TRIM67: variants seen among roughly 807,000 people sequenced by gnomAD.
The protein encoded by TRIM67 is tripartite motif containing 67.
Under a neutral mutation model 71.0 loss-of-function variants are expected in TRIM67, and 39 were observed. The ratio of observed to expected loss-of-function variants is 0.55; its 90% CI spans 0.43 to 0.72. The LOEUF (loss-of-function observed/expected upper bound fraction) is 0.72. TRIM67 is among the 30% of genes least tolerant of loss of function. The pLI is 0.00. For missense variants in TRIM67, 973 were observed against 1,079.2 expected (o/e 0.90, Z 1.38); for synonymous variants, 481 against 473.9 (o/e 1.01, Z -0.19).
In TRIM67 at chr1:231,189,370, T is replaced by C. The variant is rs137890095; in HGVS notation, c.1045-8001T>C. ...GAAAGAGCTTTGCAAATGTGATAAA[T>C]GTGATGAAGTTAAGCATCTTGAGAT... On this transcript the variant is annotated intron_variant, in intron 1 of 9. Transcript: ENST00000366653. Among the ~76,000 whole-genome samples the C allele has an allele frequency of 1.8e-3, 274 of 152,252 alleles. 2 individuals carry two copies. The highest frequency in any genetic ancestry group is 6.3e-3 in the African/African-American group (262 of 41,552).
chr1:231,178,476 C>T (rs138655997), intron 1 of TRIM67, among the ~76,000 whole-genome samples: 113 of 152,294 alleles, frequency 7.4e-4, no homozygotes, highest in Admixed American at 2.4e-3. Flanking sequence ...TATTATTGAA[C>T]GTCAAGGCTG....
At chr1:231,200,106 C>T (rs1472678076) in intron 3 of TRIM67, 42 bp from the exon 4 acceptor site, 1 of 1,485,748 alleles carries the variant, frequency 6.7e-7, no homozygotes, top group East Asian at 2.3e-5. Flanking sequence ...GCCTGTTCTT[C>T]CTCTCATGAG....
At position 231,186,091 on chromosome 1, in the gene TRIM67, C is replaced by T. The variant is rs866233091; in HGVS notation, c.1045-11280C>T. 6.5e-6 allele frequency: 10 copies of T among 1,533,116 alleles called. No individual in the cohort carries two copies. The Middle Eastern group carries it at 6.9e-4, about 106-fold the overall frequency. The allele number at this position is 1,533,116 out of a possible 1,614,324, so 95.0% of individuals were successfully genotyped here. A position where few individuals can be genotyped will look rare whatever the true frequency, so the allele number is the denominator to read the frequency against. On this transcript the variant is annotated intron_variant, in intron 1 of 9. Coordinates refer to ENST00000366653, the MANE Select transcript of TRIM67 (RefSeq NM_001004342.5). ...CAGAACTCACCTCTCTCCTGATAGG[C>T]GGCTGGCAGTCGCTTGCTGAATGAA...
rs1203916931 is a variant in TRIM67, at chr1:231,163,201, G to A, written c.232G>A (p.Gly78Ser). Residue 78 changes from glycine to serine, a missense_variant, in exon 1 of 10, where the codon GGC becomes AGC. Physicochemically the swap from Gly to Ser is moderately conservative, Grantham distance 56 (BLOSUM62 0). This residue lies in a region of TRIM67 where 795 missense variants were observed against 831.3 expected (regional missense o/e 0.96). Coordinates refer to ENST00000366653, the MANE Select transcript of TRIM67 (RefSeq NM_001004342.5). ...CGACGCTGCGGCTGGCCCGGCCTGC[G>A]GCGGTGCAGGCGGGAGTGCAGCTGG... is the stretch of plus-strand genomic sequence containing the variant. ...EHDAAAGPAC[G>S]GAGGSAAGGL... 3.4e-6 allele frequency: 5 copies of A among 1,488,498 alleles called. No individual in the cohort carries two copies. The highest frequency in any genetic ancestry group is 3.6e-6 in the Non-Finnish European group (4 of 1,122,038). 92.2% of individuals were successfully genotyped at this position (1,488,498 alleles called of 1,614,324 possible).
intron 1 of TRIM67, among the ~76,000 whole-genome samples, chr1:231,189,519 C>G (rs1270809017): frequency 3.3e-5 from 5 of 152,136 alleles, no homozygotes; most frequent in African/African-American, 1.2e-4. Flanking sequence ...AGCAAGATGT[C>G]TTAGTCTTCA....
chr1:231,186,712 G>C (rs1321615454), intron 1 of TRIM67, among the ~76,000 whole-genome samples: 1 of 152,200 alleles, frequency 6.6e-6, no homozygotes, highest in Non-Finnish European at 1.5e-5. Flanking sequence ...ATTCTGAGGT[G>C]CTGGGGGTTA....
rs1187437844 is a variant in TRIM67, at chr1:231,209,694, C to G, written c.2123+444C>G. 6.6e-6 allele frequency among the ~76,000 whole-genome samples: 1 copy of G among 152,230 alleles called. No homozygotes were observed. The highest frequency in any genetic ancestry group is 2.4e-5 in the African/African-American group (1 of 41,460). ...GCCTGCAGTGATCCTGGCCACTGCCCTGGTCTCATGTGGGCTTGAGCCTCG... is the reference window on the plus strand; with the variant it reads ...GCCTGCAGTGATCCTGGCCACTGCCGTGGTCTCATGTGGGCTTGAGCCTCG... On this transcript the variant is annotated intron_variant, in intron 8 of 9. Transcript: ENST00000366653. The surrounding 1 kb of genome is among the most constrained non-coding windows in gnomAD (Gnocchi z 4.1).
At chr1:231,211,432 C>T (rs1040366978) in intron 8 of TRIM67, among the ~76,000 whole-genome samples, 1 of 152,188 alleles carries the variant, frequency 6.6e-6, no homozygotes, top group African/African-American at 2.4e-5. Flanking sequence ...GACCCCAGAG[C>T]TGACTGGGGG....
intron 1 of TRIM67, among the ~76,000 whole-genome samples, chr1:231,196,653 T>C (rs1009891824): frequency 1.3e-5 from 2 of 151,954 alleles, no homozygotes; most frequent in African/African-American, 4.8e-5. Flanking sequence ...GTGTATGTGG[T>C]TCGTTACAAA....
chr1:231,212,798 C>T (rs566979598), intron 8 of TRIM67, among the ~76,000 whole-genome samples: 2 of 152,156 alleles, frequency 1.3e-5, no homozygotes, highest in Non-Finnish European at 2.9e-5. Flanking sequence ...CCAAGCCCCC[C>T]CTTGGGAGCA....
chr1:231,169,082 G>A (rs1165680292), intron 1 of TRIM67, among the ~76,000 whole-genome samples: 1 of 152,166 alleles, frequency 6.6e-6, no homozygotes, highest in Non-Finnish European at 1.5e-5. Context: ...TGTTGAGATA[G>A]AGTCTTGCTC....
At chr1:231,187,503 A>C (rs1042024315) in intron 1 of TRIM67, 8 of 1,516,564 alleles carry the variant, frequency 5.3e-6, no homozygotes, top group Middle Eastern at 2.4e-4. Context: ...CAGGTTAAAA[A>C]AAAAAAACAA....
chr1:231,163,510 C>T lies in TRIM67; in HGVS notation c.541C>T (p.Leu181=). 2 of 1,517,556 alleles carry T rather than the reference C, an allele frequency of 1.3e-6. No individual in the cohort carries two copies. The highest frequency in any genetic ancestry group is 1.8e-6 in the Non-Finnish European group (2 of 1,138,688). The allele number at this position is 1,517,556 out of a possible 1,614,324, so 94.0% of individuals were successfully genotyped here. A position where few individuals can be genotyped will look rare whatever the true frequency, so the allele number is the denominator to read the frequency against. Residue 181 remains leucine (L), a synonymous_variant, in exon 1 of 10, where the codon CTG becomes TTG. Transcript: ENST00000366653. ...RGLRGFQRNR[L]LEAIVQRYQQ... ...CCTGCGCGGCTTCCAGCGCAACCGG[C>T]TGCTCGAGGCCATCGTGCAGCGGTA...
chr1:231,188,737 G>A (rs12063574), intron 1 of TRIM67, among the ~76,000 whole-genome samples: 36,995 of 152,080 alleles, frequency 0.24, 5,846 homozygotes, highest in African/African-American at 0.45. Context: ...TCCTTGCTAG[G>A]TTATGAGGAA....
intron 1 of TRIM67, among the ~76,000 whole-genome samples, chr1:231,172,389 C>T (rs749172591): frequency 3.3e-5 from 5 of 151,888 alleles, no homozygotes; most frequent in Admixed American, 2.0e-4. Context: ...CTGTTTGGGA[C>T]GAATAAGGCA....
intron 7 of TRIM67, among the ~76,000 whole-genome samples, chr1:231,207,568 G>A (rs1683739704): frequency 6.6e-6 from 1 of 152,178 alleles, no homozygotes; most frequent in South Asian, 2.1e-4. Context: ...CCAAGAAGAG[G>A]GCAAATCGTG....
At chr1:231,173,346 A>G (rs1682661374) in intron 1 of TRIM67, among the ~76,000 whole-genome samples, 1 of 152,246 alleles carries the variant, frequency 6.6e-6, no homozygotes, top group Non-Finnish European at 1.5e-5. Flanking sequence ...CAGGGGTTCA[A>G]AACCAGCCAG....
At position 231,162,742 on chromosome 1, in the gene TRIM67, C is replaced by A. The variant is rs931545653; in HGVS notation, c.-228C>A. ...GTTGAAGCCGCTGGTGCGGGACCCTCGGGCAGGAGGTGAGGACCCCCTCCC... is the reference window on the plus strand; with the variant it reads ...GTTGAAGCCGCTGGTGCGGGACCCTAGGGCAGGAGGTGAGGACCCCCTCCC... On this transcript the variant is annotated 5_prime_UTR_variant, in exon 1 of 10. Transcript: ENST00000366653. 7.1e-6 allele frequency: 4 copies of A among 562,256 alleles called. No individual in the cohort carries two copies. The highest frequency in any genetic ancestry group is 2.0e-5 in the African/African-American group (1 of 49,824). The allele number at this position is 562,256 out of a possible 1,614,324, so 34.8% of individuals were successfully genotyped here.
rs532758605 is a variant in TRIM67 at position 231,201,864 on chromosome 1, A to G, written c.1534+347A>G. Among the ~76,000 whole-genome samples, 22 of 152,362 alleles carry G rather than the reference A, an allele frequency of 1.4e-4. No homozygotes were observed. In the South Asian group the frequency reaches 3.1e-3, roughly 21 times the overall value. On this transcript the variant is annotated intron_variant, in intron 5 of 9. Transcript: ENST00000366653. Reference sequence around the variant, plus strand: ...AAGATGCGGTTGAACAAGTCTACCAACTCACAAGATTGGGCTTACGCTCTC... The same window carrying G: ...AAGATGCGGTTGAACAAGTCTACCAGCTCACAAGATTGGGCTTACGCTCTC...
Sources: gnomAD v4.1 joint callset for allele counts (sites outside exome capture counted in the v4.1 genomes callset) on GRCh38, gnomAD v4.1.1 for gene constraint, gnomAD v4.1.1 regional missense constraint, Gnocchi (gnomAD v3.1) non-coding constraint, MANE v1.5 for transcripts, NCBI Gene and HGNC (gene_info 2026-07-23, HGNC 2026-07-21) for gene names.